The following DNAH1 variants were observed in gnomAD, a reference collection of about 807,000 sequenced individuals.
DNAH1 encodes dynein axonemal heavy chain 1, also known as axonemal beta dynein heavy chain 1.
A neutral mutation model predicts 484.3 loss-of-function variants in DNAH1; 327 were observed. The observed-to-expected ratio is 0.68, with a 90% confidence interval of 0.62 to 0.74. The LOEUF (loss-of-function observed/expected upper bound fraction) is 0.74, where lower values mean the gene tolerates loss of function less well. Among genes scored for constraint, DNAH1 ranks in the 30% least tolerant of loss-of-function variants. The pLI is 0.00. For synonymous variants in DNAH1, 2,192 were observed against 2,191.9 expected, an observed-to-expected ratio of 1.00 and a Z score of 0.00; for missense variants, 5,052 against 5,546.8, an observed-to-expected ratio of 0.91 and a Z score of 2.83.
rs764258719 is a variant in DNAH1 at position 52,355,041 on chromosome 3, C to G, written c.3679C>G (p.Leu1227Val). Residue 1227 changes from leucine to valine, a missense_variant, in exon 21 of 78, where the codon CTG becomes GTG. Coordinates refer to ENST00000420323, the MANE Select transcript of DNAH1 (RefSeq NM_015512.5). The surrounding 1 kb of genome is among the most constrained non-coding windows in gnomAD (Gnocchi z 4.5). ...EQRINSWENK[L>V]KLTQEVLEEW... ...GCGCATCAACTCCTGGGAGAACAAA[C>G]TGAAGCTGACCCAGGTCGGCCCTCC... 5.0e-6 allele frequency: 8 copies of G among 1,613,566 alleles called. No individual in the cohort carries two copies. Among genetic ancestry groups the G allele is most frequent in the Admixed American group, 1.7e-5 (1 of 60,002 alleles).
chr3:52,326,557 A>G (rs1701352618), intron 4 of DNAH1, among the ~76,000 whole-genome samples, 178 bp from the exon 5 acceptor site: 1 of 152,134 alleles, frequency 6.6e-6, no homozygotes, highest in African/African-American at 2.4e-5. Context: ...GTTGGAGCCC[A>G]GGACACCAGC....
upstream of DNAH1, among the ~76,000 whole-genome samples, chr3:52,315,893 G>T (rs1042700983): frequency 6.6e-6 from 1 of 152,244 alleles, no homozygotes; most frequent in Non-Finnish European, 1.5e-5. Context: ...CTTCCAGGGA[G>T]GAGGGAGGCA....
intron 75 of DNAH1, 79 bp downstream of exon 75, chr3:52,398,241 C>T: frequency 6.7e-7 from 1 of 1,491,706 alleles, no homozygotes; most frequent in Non-Finnish European, 8.9e-7. Context: ...TTACTATGGG[C>T]CAGGTGCCAT....
In DNAH1 at chr3:52,331,132, TCTC is replaced by T. The variant is rs767128641; in HGVS notation, c.872-10_872-8del. 5 of 1,575,118 alleles carry T rather than the reference TCTC, an allele frequency of 3.2e-6. No individual in the cohort carries two copies. Among genetic ancestry groups the T allele is most frequent in the African/African-American group, 2.7e-5 (2 of 74,126 alleles). ...CATGGCGGGGGGCACTGGTGGAGTT[TCTC>T]CTCCTGTTTCAGAGGACCCCAAGAG... is the stretch of plus-strand genomic sequence containing the variant. On this transcript the variant is annotated splice_polypyrimidine_tract_variant and intron_variant, in intron 6 of 77. Transcript: ENST00000420323.
intron 1 of DNAH1, among the ~76,000 whole-genome samples, chr3:52,320,467 C>T (rs1010352574): frequency 1.2e-4 from 19 of 152,338 alleles, no homozygotes; most frequent in Admixed American, 3.9e-4. Context: ...GGCCCTCAGG[C>T]GCCCTGACAA....
At chr3:52,334,815 TTAAC>T (rs1250052552) in intron 8 of DNAH1, among the ~76,000 whole-genome samples, 2 of 152,020 alleles carry the variant, frequency 1.3e-5, no homozygotes, top group Non-Finnish European at 2.9e-5. Flanking sequence ...AATTAATTAA[TTAAC>T]TAACTTTAGC....
Position 52,339,642 on chromosome 3 carries a change from C to T in DNAH1, c.1287-4848C>T, listed in dbSNP as rs537320233. 4.6e-5 allele frequency among the ~76,000 whole-genome samples: 7 copies of T among 152,210 alleles called. No individual in the cohort carries two copies. The East Asian group carries it at 1.4e-3, about 29-fold the overall frequency. On this transcript the variant is annotated intron_variant, in intron 8 of 77. Transcript: ENST00000420323. ...AATGTGCAAACAAAGCTAAAAGATG[C>T]TCTCTTTTTCTTATAGAAGCAAATG... is the stretch of plus-strand genomic sequence containing the variant.
Position 52,353,706 on chromosome 3 carries a change from C to A in DNAH1, c.3480+73C>A. 1 of 1,538,130 alleles carries A rather than the reference C, an allele frequency of 6.5e-7. No homozygotes were observed. The highest frequency in any genetic ancestry group is 8.7e-7 in the Non-Finnish European group (1 of 1,143,010). ...ACAGCCTGACCTCCTGCTCTGGCAA[C>A]CACAGCCACTTGGGAGGATGACAGT... is the stretch of plus-strand genomic sequence containing the variant. On this transcript the variant is annotated intron_variant, in intron 20 of 77. Transcript: ENST00000420323. The surrounding 1 kb of genome is among the most constrained non-coding windows in gnomAD (Gnocchi z 5.0).
chr3:52,399,921 G>T (rs1704831243), intron 77 of DNAH1, 142 bp downstream of exon 77: 8 of 892,076 alleles, frequency 9.0e-6, no homozygotes, highest in Non-Finnish European at 1.2e-5. Context: ...CAGCAGGCAG[G>T]TTAATGCCCA....
At chr3:52,393,112 C>A in intron 65 of DNAH1, 87 bp downstream of exon 65, 1 of 1,506,284 alleles carries the variant, frequency 6.6e-7, no homozygotes, top group Non-Finnish European at 9.1e-7. Flanking sequence ...AAACTCACAA[C>A]TGTGTTCACT....
At chr3:52,386,032 C>A in intron 54 of DNAH1, 128 bp from the exon 55 acceptor site, 3 of 1,081,986 alleles carry the variant, frequency 2.8e-6, no homozygotes, top group Non-Finnish European at 3.9e-6. Context: ...TATTCCCAGA[C>A]CTCTCTGGCC....
At chr3:52,357,503 T>C in intron 22 of DNAH1, 111 bp from the exon 23 acceptor site, 1 of 1,388,418 alleles carries the variant, frequency 7.2e-7, no homozygotes, top group Non-Finnish European at 9.7e-7. Flanking sequence ...GCATCTTCTT[T>C]CCCAGGCCCC....
chr3:52,397,706 G>A lies in DNAH1; in HGVS notation c.11788-1G>A, dbSNP rs1131692234. 6.2e-7 allele frequency: 1 copy of A among 1,602,264 alleles called. No individual in the cohort carries two copies. The highest frequency in any genetic ancestry group is 8.5e-7 in the Non-Finnish European group (1 of 1,174,022). ...TTCCATGTTGGCCTCCTCTCTCCTA[G>A]GGCTACCTCTCCTACATCAAGAGCC... On this transcript the variant is annotated splice_acceptor_variant, in intron 73 of 77. Transcript: ENST00000420323. LOFTEE classifies it high-confidence loss of function.
intron 8 of DNAH1, among the ~76,000 whole-genome samples, chr3:52,334,893 C>T (rs1425570601): frequency 6.6e-6 from 1 of 151,028 alleles, no homozygotes; most frequent in Non-Finnish European, 1.5e-5. Flanking sequence ...CTGTCGCCCA[C>T]GCTGGAGTGC....
intron 12 of DNAH1, 128 bp from the exon 13 acceptor site, chr3:52,348,760 C>A (rs1330738771): frequency 2.1e-6 from 2 of 972,780 alleles, no homozygotes; most frequent in Non-Finnish European, 3.1e-6. Context: ...CACCCTGCCA[C>A]CCTCTAGGCT....
At chr3:52,389,071 C>T in intron 59 of DNAH1, 134 bp downstream of exon 59, 1 of 1,155,036 alleles carries the variant, frequency 8.7e-7, no homozygotes, top group Non-Finnish European at 1.2e-6. Context: ...AAGCACTTAG[C>T]AGGCTCCCTC....
At position 52,362,381 on chromosome 3, in the gene DNAH1, A is replaced by C. The variant is rs756191237; in HGVS notation, c.4981-7A>C. 2 of 1,612,442 alleles carry C rather than the reference A, an allele frequency of 1.2e-6. No homozygotes were observed. Among genetic ancestry groups the C allele is most frequent in the South Asian group, 2.2e-5 (2 of 90,684 alleles). ...GTCCCAGGCAAGTCAGCCTCTCCCCACTGCAGGTGGAACGCTTCATGTTTG... is the reference window on the plus strand; with the variant it reads ...GTCCCAGGCAAGTCAGCCTCTCCCCCCTGCAGGTGGAACGCTTCATGTTTG... On this transcript the variant is annotated splice_polypyrimidine_tract_variant and splice_region_variant and intron_variant, in intron 30 of 77. Transcript: ENST00000420323. This position sits in a 1 kb window ranked among gnomAD's most constrained non-coding sequence, Gnocchi z 5.1.
intron 34 of DNAH1, among the ~76,000 whole-genome samples, chr3:52,365,423 T>C (rs1193044467): frequency 6.6e-6 from 1 of 152,184 alleles, no homozygotes; most frequent in Non-Finnish European, 1.5e-5. Flanking sequence ...TCCACCCCAC[T>C]AGCGGGACTT....
In DNAH1 at chr3:52,373,056, G is replaced by A. The variant is rs763386032; in HGVS notation, c.6985+3G>A. On this transcript the variant is annotated splice_donor_region_variant and intron_variant, in intron 44 of 77. Transcript: ENST00000420323. ...CTGGTACGACCGCAAGATCATTGGT[G>A]AGTGTGGCCGGCCTGGCTCACAGGG... 2 of 1,607,554 alleles carry A rather than the reference G, an allele frequency of 1.2e-6. No individual in the cohort carries two copies. The highest frequency in any genetic ancestry group is 4.5e-5 in the East Asian group (2 of 44,772).
Sources: allele counts gnomAD v4.1 joint callset (sites outside exome capture counted in the v4.1 genomes callset), GRCh38; gene constraint gnomAD v4.1.1; non-coding constraint Gnocchi (gnomAD v3.1); transcripts MANE v1.5; gene names NCBI Gene and HGNC (gene_info 2026-07-23, HGNC 2026-07-21).